BMPR1B: variants seen among roughly 807,000 people sequenced by gnomAD.
BMPR1B encodes bone morphogenetic protein receptor type 1B.
In BMPR1B, 12 loss-of-function variants were observed where a neutral mutation model predicts 59.1. That is an observed-to-expected ratio of 0.20 (90% CI 0.13 to 0.33). The LOEUF (loss-of-function observed/expected upper bound fraction) is 0.33, where lower values mean the gene tolerates loss of function less well. BMPR1B is among the 10% of genes least tolerant of loss of function. The pLI, the probability that BMPR1B is intolerant of heterozygous loss-of-function variation, is 1.00. For synonymous variants in BMPR1B, 237 were observed against 207.3 expected, an observed-to-expected ratio of 1.14 and a Z score of -1.23; for missense variants, 550 against 610.9, an observed-to-expected ratio of 0.90 and a Z score of 1.05.
chr4:95,104,186 T>C (rs1024190841), intron 3 of BMPR1B, among the ~76,000 whole-genome samples: 2 of 152,146 alleles, frequency 1.3e-5, no homozygotes, highest in Non-Finnish European at 2.9e-5. Flanking sequence ...ATACATAAAA[T>C]ATCCTCCTGA....
intron 2 of BMPR1B, among the ~76,000 whole-genome samples, chr4:94,892,555 T>C (rs1727440794): frequency 6.6e-6 from 1 of 151,978 alleles, no homozygotes; most frequent in Non-Finnish European, 1.5e-5. Context: ...AAAAAAAGGG[T>C]AATATTTAGT....
At chr4:95,141,454 G>A (rs888537381) in intron 10 of BMPR1B, among the ~76,000 whole-genome samples, 2 of 152,126 alleles carry the variant, frequency 1.3e-5, no homozygotes, top group South Asian at 2.1e-4. Context: ...CAGGGAAGTC[G>A]AGAGCCACAG....
At chr4:94,960,366 A>G (rs570556678) in intron 2 of BMPR1B, among the ~76,000 whole-genome samples, 16 of 152,088 alleles carry the variant, frequency 1.1e-4, no homozygotes, top group Admixed American at 2.6e-4. Context: ...GTTTTTTCCT[A>G]TTCTTTATAT....
At chr4:94,842,413 A>AT (rs1725124972) in intron 1 of BMPR1B, among the ~76,000 whole-genome samples, 1 of 152,156 alleles carries the variant, frequency 6.6e-6, no homozygotes, top group African/African-American at 2.4e-5. Flanking sequence ...TCCTAGATAG[A>AT]TTTTCTAGAA....
chr4:95,040,328 A>G (rs559608708), intron 3 of BMPR1B, among the ~76,000 whole-genome samples: 16 of 152,294 alleles, frequency 1.1e-4, no homozygotes, highest in Admixed American at 6.5e-4. Flanking sequence ...TTTTGTGTTA[A>G]GTATAGTTGG....
In BMPR1B at chr4:94,914,643, A is replaced by G. The variant is rs941268938; in HGVS notation, c.-113+38743A>G. Among the ~76,000 whole-genome samples, 9 of 152,180 alleles carry G rather than the reference A, an allele frequency of 5.9e-5. No individual in the cohort carries two copies. In the East Asian group the frequency reaches 1.7e-3, roughly 29 times the overall value. On this transcript the variant is annotated intron_variant, in intron 2 of 12. Coordinates refer to ENST00000515059, the MANE Select transcript of BMPR1B (RefSeq NM_001203.3). ...GAATGGTTTTAGTGGATACAGTTGA[A>G]TGAGGAGGCTGGGAGGAGAAAGGGT...
chr4:94,919,476 A>C (rs1285794524), intron 2 of BMPR1B, among the ~76,000 whole-genome samples: 1 of 152,184 alleles, frequency 6.6e-6, no homozygotes, highest in African/African-American at 2.4e-5. Flanking sequence ...TATTTTCTAC[A>C]CTAGTAGTAA....
chr4:95,036,478 G>A (rs1252693835), intron 3 of BMPR1B, among the ~76,000 whole-genome samples: 1 of 152,052 alleles, frequency 6.6e-6, no homozygotes, highest in Non-Finnish European at 1.5e-5. Context: ...TTGTCTTTCT[G>A]TGGCTGGCTT....
intron 3 of BMPR1B, among the ~76,000 whole-genome samples, chr4:95,073,769 A>C (rs2149223555): frequency 6.6e-6 from 1 of 152,308 alleles, no homozygotes; most frequent in South Asian, 2.1e-4. Flanking sequence ...TGCCACTTTA[A>C]AGTCTTACTG....
chr4:94,997,806 C>T (rs77701618), intron 3 of BMPR1B, among the ~76,000 whole-genome samples: 2 of 152,096 alleles, frequency 1.3e-5, no homozygotes, highest in Non-Finnish European at 2.9e-5. Flanking sequence ...TGAGTAATAT[C>T]TCATGATCAA....
intron 12 of BMPR1B, among the ~76,000 whole-genome samples, chr4:95,153,112 C>G (rs1348990949): frequency 6.6e-6 from 1 of 152,086 alleles, no homozygotes; most frequent in African/African-American, 2.4e-5. Context: ...TAATTTTTCT[C>G]TGTGACAAAC....
chr4:95,111,498 A>G (rs561984788), intron 4 of BMPR1B, among the ~76,000 whole-genome samples: 1 of 152,250 alleles, frequency 6.6e-6, no homozygotes, highest in Non-Finnish European at 1.5e-5. Context: ...GTTTCTAACC[A>G]TTCTACAACA....
At chr4:95,020,554 G>T (rs1723905323) in intron 3 of BMPR1B, among the ~76,000 whole-genome samples, 1 of 143,788 alleles carries the variant, frequency 7.0e-6, no homozygotes, top group Non-Finnish European at 1.5e-5. Flanking sequence ...GCTCCAGACT[G>T]GTGACAGAAC....
At chr4:94,999,550 CA>C (rs1722294903) in intron 3 of BMPR1B, among the ~76,000 whole-genome samples, 1 of 151,740 alleles carries the variant, frequency 6.6e-6, no homozygotes, top group African/African-American at 2.4e-5. Flanking sequence ...ATACATATTC[CA>C]AAAATGCTGT....
Position 94,814,100 on chromosome 4 carries a change from C to T in BMPR1B, c.-183+56032C>T, listed in dbSNP as rs577531037. Among the ~76,000 whole-genome samples, 15 of 152,178 alleles carry T rather than the reference C, an allele frequency of 9.9e-5. No individual in the cohort carries two copies. The East Asian group carries it at 1.7e-3, about 18-fold the overall frequency. On this transcript the variant is annotated intron_variant, in intron 1 of 12. Coordinates refer to ENST00000515059, the MANE Select transcript of BMPR1B (RefSeq NM_001203.3). ...TGAGAAAAATAGGATTAATTTAAAA[C>T]GGGTTGCAAATGACTCAAATCCGAT... is the stretch of plus-strand genomic sequence containing the variant.
At chr4:95,030,094 T>C (rs1724717811) in intron 3 of BMPR1B, among the ~76,000 whole-genome samples, 1 of 151,698 alleles carries the variant, frequency 6.6e-6, no homozygotes, top group African/African-American at 2.4e-5. Flanking sequence ...GTAGTTTCTT[T>C]TGCTGTGCAG....
At chr4:94,799,275 C>CTGT (rs1164160655) in intron 1 of BMPR1B, among the ~76,000 whole-genome samples, 1 of 150,646 alleles carries the variant, frequency 6.6e-6, no homozygotes, top group Non-Finnish European at 1.5e-5. Flanking sequence ...TAGCAGTGAC[C>CTGT]TGTCCTTCTG....
intron 1 of BMPR1B, among the ~76,000 whole-genome samples, chr4:94,809,361 T>C (rs1387919676): frequency 6.6e-6 from 1 of 152,236 alleles, no homozygotes; most frequent in Non-Finnish European, 1.5e-5. Flanking sequence ...TACTCCGTTA[T>C]TTCTTACATT....
chr4:95,029,803 C>T (rs1724694319), intron 3 of BMPR1B, among the ~76,000 whole-genome samples: 1 of 152,138 alleles, frequency 6.6e-6, no homozygotes, highest in Admixed American at 6.5e-5. Context: ...TAATGATTGC[C>T]ATTCTAACTG....
Sources: allele counts gnomAD v4.1 joint callset (sites outside exome capture counted in the v4.1 genomes callset), GRCh38; gene constraint gnomAD v4.1.1; transcripts MANE v1.5; gene names NCBI Gene and HGNC (gene_info 2026-07-23, HGNC 2026-07-21).